The following ARSH variants were observed in gnomAD, a reference collection of about 807,000 sequenced individuals.
ARSH encodes the protein arylsulfatase H.
In ARSH, 32 loss-of-function variants were observed where a neutral mutation model predicts 28.7. That is an observed-to-expected ratio of 1.11 (90% CI 0.84 to 1.50). ARSH has a LOEUF of 1.50. Among genes scored for constraint, ARSH ranks in the 40% most tolerant of loss-of-function variants. ARSH has a pLI of 0.00. For missense variants in ARSH, 440 were observed against 452.4 expected (o/e 0.97, Z 0.25); for synonymous variants, 176 against 177.3 (o/e 0.99, Z 0.06).
At chrX:3,027,517 T>G in intron 7 of ARSH, 42 bp downstream of exon 7, 1 of 1,128,430 alleles carries the variant, frequency 8.9e-7, no homozygotes, top group Non-Finnish European at 1.2e-6. Context: ...GTGATATATT[T>G]GAACATAAGT....
intron 1 of ARSH, among the ~76,000 whole-genome samples, chrX:3,008,434 GTCT>G (rs1377928820): frequency 2.4e-3 from 258 of 108,778 alleles, no homozygotes; most frequent in Non-Finnish European, 4.0e-3. Flanking sequence ...AAAGGCATTG[GTCT>G]TCTTCTTCTT....
intron 5 of ARSH, among the ~76,000 whole-genome samples, chrX:3,020,427 A>G (rs1385876462): frequency 3.8e-5 from 4 of 106,535 alleles, no homozygotes; most frequent in Non-Finnish European, 7.8e-5. Context: ...GTCTCTACTA[A>G]AAATAGAAAA....
chrX:3,021,079 G>A (rs773663819), intron 5 of ARSH, among the ~76,000 whole-genome samples: 2 of 110,475 alleles, frequency 1.8e-5, no homozygotes, highest in East Asian at 5.6e-4. Flanking sequence ...CCTTGGTAAC[G>A]AAATACAAAC....
At chrX:3,020,519 G>A (rs113280484) in intron 5 of ARSH, among the ~76,000 whole-genome samples, 1 of 101,676 alleles carries the variant, frequency 9.8e-6, no homozygotes, top group Non-Finnish European at 2.0e-5. Context: ...AACCTGGGAG[G>A]CGGAGCTTGC....
chrX:3,012,905 G>A (rs1405977731), intron 2 of ARSH, 142 bp from the exon 3 acceptor site: 1 of 702,272 alleles, frequency 1.4e-6, no homozygotes, highest in Non-Finnish European at 2.1e-6. Flanking sequence ...GGAGGGTCAA[G>A]GACGTACAGC....
intron 5 of ARSH, 75 bp from the exon 6 acceptor site, chrX:3,023,946 A>T (rs758805949): frequency 9.1e-7 from 1 of 1,102,650 alleles, no homozygotes; most frequent in East Asian, 3.0e-5. Flanking sequence ...ATAAATACAT[A>T]GTAGCAGATA....
intron 8 of ARSH, 30 bp downstream of exon 8, chrX:3,029,398 A>G (rs776472214): frequency 8.4e-7 from 1 of 1,192,127 alleles, no homozygotes; most frequent in South Asian, 1.9e-5. Flanking sequence ...ACACGTGGAA[A>G]GACGATAAGG....
intron 5 of ARSH, among the ~76,000 whole-genome samples, chrX:3,018,893 C>T (rs960598262): frequency 8.9e-6 from 1 of 111,880 alleles, no homozygotes; most frequent in Non-Finnish European, 1.9e-5. Context: ...TACAAGTTTT[C>T]CCATCTTTAA....
intron 5 of ARSH, among the ~76,000 whole-genome samples, chrX:3,019,661 C>T (rs187772342): frequency 5.4e-4 from 60 of 111,232 alleles, no homozygotes; most frequent in Non-Finnish European, 7.5e-5. Flanking sequence ...ACCATTGAAA[C>T]GAACAATCTC....
At chrX:3,018,076 G>A (rs765219385) in intron 4 of ARSH, among the ~76,000 whole-genome samples, 46 of 111,822 alleles carry the variant, frequency 4.1e-4, no homozygotes, top group Non-Finnish European at 6.4e-4. Context: ...AATAGCTCAC[G>A]GCAGCCTCCA....
intron 1 of ARSH, among the ~76,000 whole-genome samples, chrX:3,008,770 G>A (rs1159526128): frequency 9.2e-6 from 1 of 108,519 alleles, no homozygotes; most frequent in Non-Finnish European, 1.9e-5. Context: ...TTTTTGTAGA[G>A]GTGGGGTTTT....
At position 3,015,057 on chromosome X, in the gene ARSH, T is replaced by G. The variant is rs143533816; in HGVS notation, c.428T>G (p.Val143Gly). 4.3e-4 allele frequency: 516 copies of G among 1,208,884 alleles called. 3 individuals are homozygous for G. In the African/African-American group the frequency reaches 8.1e-3, roughly 19 times the overall value. The change falls in exon 4 of 9, where the codon GTG becomes GGG. Residue 143 changes from valine (V) to glycine (G), a missense_variant. By Grantham distance (109) the Val-to-Gly change is moderately radical. Transcript: ENST00000381130. ...CATGGTTTTCACTACTTTTACGGGG[T>G]GCCTTTTGGACTTTTAAGCGACTGC... is the stretch of plus-strand genomic sequence containing the variant. Reference protein sequence around the residue: ...LNHGFHYFYGVPFGLLSDCQA... With the variant: ...LNHGFHYFYGGPFGLLSDCQA...
intron 7 of ARSH, among the ~76,000 whole-genome samples, chrX:3,028,096 C>T (rs2089903856): frequency 8.9e-6 from 1 of 111,957 alleles, no homozygotes; most frequent in Non-Finnish European, 1.9e-5. Flanking sequence ...GGGTGATGCC[C>T]TGTTTCAAAC....
intron 2 of ARSH, among the ~76,000 whole-genome samples, chrX:3,011,255 T>TC (rs757738760): frequency 1.2e-3 from 125 of 103,476 alleles, no homozygotes; most frequent in East Asian, 4.8e-3. Flanking sequence ...TTTCTTTCTT[T>TC]TTTTTTTTTT....
Position 3,011,023 on chromosome X carries a change from G to A in ARSH, c.214+872G>A, listed in dbSNP as rs537057385. Among the ~76,000 whole-genome samples, 10 of 110,938 alleles carry A rather than the reference G, an allele frequency of 9.0e-5. No homozygotes were observed. In the South Asian group the frequency reaches 3.4e-3, roughly 38 times the overall value. ...TTAAGAGTAAACATTAAAAGTTTTT[G>A]TCCCATAAATATTGATTTATTATTA... On this transcript the variant is annotated intron_variant, in intron 2 of 8. Coordinates refer to ENST00000381130, the MANE Select transcript of ARSH (RefSeq NM_001011719.2).
At chrX:3,014,672 A>G (rs756359451) in intron 3 of ARSH, among the ~76,000 whole-genome samples, 1 of 111,326 alleles carries the variant, frequency 9.0e-6, no homozygotes, top group Admixed American at 9.6e-5. Flanking sequence ...CTCATTGTTC[A>G]TGAGGTTGTT....
intron 6 of ARSH, among the ~76,000 whole-genome samples, chrX:3,026,742 C>G (rs1196241719): frequency 8.9e-6 from 1 of 112,538 alleles, no homozygotes; most frequent in African/African-American, 3.2e-5. Context: ...TCTACTCACA[C>G]TCCTCTCTTT....
rs2089920002 is a variant in ARSH at position 3,033,289 on chromosome X, C to G, written c.1593C>G (p.Phe531Leu). The G allele has an allele frequency of 8.3e-7, 1 of 1,211,144 alleles. No homozygotes were observed. Among genetic ancestry groups the G allele is most frequent in the Non-Finnish European group, 1.1e-6 (1 of 895,160 alleles). The stretch of plus-strand genomic sequence containing the variant: ...CTGTCCCACAGCAGTTCTCTGTGTT[C>G]AACACAATTTGGAAACCATGGCTGC... ...LTPVPQQFSV[F>L]NTIWKPWLQP... The change falls in exon 9 of 9, where the codon TTC becomes TTG. Residue 531 changes from phenylalanine (F) to leucine (L), a missense_variant. Phe to Leu is a conservative substitution (Grantham distance 22). Coordinates refer to ENST00000381130, the MANE Select transcript of ARSH (RefSeq NM_001011719.2).
intron 2 of ARSH, 93 bp from the exon 3 acceptor site, chrX:3,012,954 G>A (rs2089854988): frequency 3.8e-6 from 4 of 1,041,921 alleles, no homozygotes; most frequent in Middle Eastern, 2.6e-4. Flanking sequence ...ATGGCTTTGA[G>A]GAGGTGCGGG....
Sources: gnomAD v4.1 joint callset for allele counts (sites outside exome capture counted in the v4.1 genomes callset) on GRCh38, gnomAD v4.1.1 for gene constraint, MANE v1.5 for transcripts, NCBI Gene and HGNC (gene_info 2026-07-23, HGNC 2026-07-21) for gene names.